Variants in LRP1B observed in about 807,000 individuals in gnomAD.
LRP1B encodes the protein low-density lipoprotein receptor-related protein 1B.
LRP1B carries 217 observed loss-of-function variants against 556.6 expected under a neutral mutation model. The ratio of observed to expected loss-of-function variants is 0.39; its 90% CI spans 0.35 to 0.44. LRP1B has a LOEUF of 0.44. Ranked by LOEUF, LRP1B falls within the 20% of genes least tolerant of loss-of-function variation. LRP1B has a pLI of 1.00. For synonymous variants in LRP1B, 2,047 were observed against 1,865.8 expected, an observed-to-expected ratio of 1.10 and a Z score of -2.50; for missense variants, 5,053 against 5,620.8, an observed-to-expected ratio of 0.90 and a Z score of 3.23.
At chr2:141,104,055 G>A (rs951491656) in intron 7 of LRP1B, among the ~76,000 whole-genome samples, 7 of 151,866 alleles carry the variant, frequency 4.6e-5, no homozygotes, top group African/African-American at 7.3e-5. Flanking sequence ...GAGCTTATAC[G>A]TCAACACTCT....
In LRP1B at chr2:141,725,474, A is replaced by T. The variant is rs532493800; in HGVS notation, c.205+84805T>A. ...TGTCATTGATCAAGAGAAAGTTTTC[A>T]TCAAATGTTGTTAAAATGTAGTGAC... is the stretch of plus-strand genomic sequence containing the variant. On this transcript the variant is annotated intron_variant, in intron 2 of 90. Transcript: ENST00000389484. 2.6e-5 allele frequency among the ~76,000 whole-genome samples: 4 copies of T among 152,062 alleles called. No homozygotes were observed. In the South Asian group the frequency reaches 8.3e-4, roughly 31 times the overall value.
chr2:141,462,319 C>T (rs1681908428), intron 3 of LRP1B, among the ~76,000 whole-genome samples: 1 of 152,114 alleles, frequency 6.6e-6, no homozygotes, highest in Admixed American at 6.6e-5. Flanking sequence ...TTTATTTGAT[C>T]TTTAACACAT....
chr2:140,824,871 C>T (rs542067138), intron 31 of LRP1B, among the ~76,000 whole-genome samples: 37 of 152,160 alleles, frequency 2.4e-4, no homozygotes, highest in Admixed American at 2.1e-3. Flanking sequence ...CCTGTAGAGA[C>T]TCTTGCTATA....
intron 1 of LRP1B, among the ~76,000 whole-genome samples, chr2:141,940,305 A>G (rs1700759176): frequency 6.6e-6 from 1 of 152,176 alleles, no homozygotes; most frequent in Non-Finnish European, 1.5e-5. Flanking sequence ...AAGAGTTAAT[A>G]TTTTATTAAA....
At chr2:141,664,799 A>G (rs919373749) in intron 2 of LRP1B, among the ~76,000 whole-genome samples, 1 of 152,182 alleles carries the variant, frequency 6.6e-6, no homozygotes, top group Non-Finnish European at 1.5e-5. Context: ...TTACAGATTC[A>G]ATGCTATTTC....
At chr2:140,782,851 AG>A (rs2104966445) in intron 32 of LRP1B, among the ~76,000 whole-genome samples, 1 of 152,304 alleles carries the variant, frequency 6.6e-6, no homozygotes, top group African/African-American at 2.4e-5. Flanking sequence ...TTGTCATAAA[AG>A]CGATATGATG....
Position 141,218,150 on chromosome 2 carries a change from C to T in LRP1B, c.850+11033G>A, listed in dbSNP as rs114773144. ...GTTGGTGGGATTGTAAATTAGTTCT[C>T]GATTGCAGAAAAAAAGGAAACACAC... On this transcript the variant is annotated intron_variant, in intron 6 of 90. Coordinates refer to ENST00000389484, the MANE Select transcript of LRP1B (RefSeq NM_018557.3). 3.5e-3 allele frequency among the ~76,000 whole-genome samples: 530 copies of T among 152,066 alleles called. 3 individuals carry two copies. The highest frequency in any genetic ancestry group is 0.012 in the African/African-American group (480 of 41,506).
At chr2:141,564,936 T>C (rs187145694) in intron 2 of LRP1B, among the ~76,000 whole-genome samples, 2 of 152,090 alleles carry the variant, frequency 1.3e-5, no homozygotes, top group African/African-American at 4.8e-5. Flanking sequence ...ATAATCACAT[T>C]AATAATGAAT....
At chr2:141,853,106 C>T (rs1697920987) in intron 1 of LRP1B, among the ~76,000 whole-genome samples, 1 of 151,528 alleles carries the variant, frequency 6.6e-6, no homozygotes, top group Non-Finnish European at 1.5e-5. Flanking sequence ...TTGTTAGCTA[C>T]CCATCCAAAA....
In LRP1B at chr2:141,054,989, T is replaced by A. The variant is rs1699137552; in HGVS notation, c.1552+127A>T. ...CTTATTTTGAGAAAAATGGACAGTA[T>A]ATATTTGCAGGCAAACTTCACCTGT... is the stretch of plus-strand genomic sequence containing the variant. On this transcript the variant is annotated intron_variant, in intron 10 of 90. Coordinates refer to ENST00000389484, the MANE Select transcript of LRP1B (RefSeq NM_018557.3). 3 of 984,652 alleles carry A rather than the reference T, an allele frequency of 3.0e-6. No homozygotes were observed. In the East Asian group the frequency reaches 8.1e-5, roughly 26 times the overall value. The allele number at this position is 984,652 out of a possible 1,614,324, so 61.0% of individuals were successfully genotyped here.
chr2:141,976,506 G>T (rs528623335), intron 1 of LRP1B, among the ~76,000 whole-genome samples: 96 of 152,098 alleles, frequency 6.3e-4, no homozygotes, highest in Non-Finnish European at 9.9e-4. Flanking sequence ...CTGCTTTAGT[G>T]GGGGGTCACA....
At chr2:140,584,262 A>G (rs1232516958) in intron 43 of LRP1B, among the ~76,000 whole-genome samples, 2 of 152,032 alleles carry the variant, frequency 1.3e-5, no homozygotes, top group East Asian at 3.9e-4. Flanking sequence ...CAAACATGAA[A>G]CTTTTAAAAC....
intron 1 of LRP1B, among the ~76,000 whole-genome samples, chr2:142,113,661 T>G (rs926407471): frequency 2.0e-5 from 3 of 152,012 alleles, no homozygotes; most frequent in African/African-American, 7.2e-5. Context: ...CGTGTGTACA[T>G]TGAAACAGTG....
chr2:140,252,133 G>A (rs1236957159), intron 86 of LRP1B, among the ~76,000 whole-genome samples: 2 of 125,850 alleles, frequency 1.6e-5, no homozygotes, highest in African/African-American at 5.8e-5. Flanking sequence ...AGCATTTTGG[G>A]ACAGATACTT....
At chr2:141,817,776 G>A (rs1696610905) in intron 1 of LRP1B, among the ~76,000 whole-genome samples, 1 of 151,996 alleles carries the variant, frequency 6.6e-6, no homozygotes, top group Admixed American at 6.5e-5. Flanking sequence ...TTATACTAAT[G>A]TTGTACATAC....
chr2:140,749,699 T>C (rs1688504767), intron 35 of LRP1B, among the ~76,000 whole-genome samples: 2 of 152,144 alleles, frequency 1.3e-5, no homozygotes, highest in African/African-American at 4.8e-5. Flanking sequence ...GAATACCTCC[T>C]GAAGGACCTG....
At chr2:141,815,512 T>G (rs185639691) in intron 1 of LRP1B, among the ~76,000 whole-genome samples, 30 of 151,712 alleles carry the variant, frequency 2.0e-4, no homozygotes, top group Admixed American at 1.6e-3. Flanking sequence ...TAGCAAGGGA[T>G]TGTAAAATGC....
chr2:140,625,990 T>C (rs1201395776), intron 41 of LRP1B, among the ~76,000 whole-genome samples: 1 of 152,158 alleles, frequency 6.6e-6, no homozygotes, highest in Non-Finnish European at 1.5e-5. Flanking sequence ...TCTCAATAGG[T>C]AAATGCATAA....
At chr2:141,603,590 C>A (rs1687823764) in intron 2 of LRP1B, among the ~76,000 whole-genome samples, 1 of 152,008 alleles carries the variant, frequency 6.6e-6, no homozygotes, top group Non-Finnish European at 1.5e-5. Context: ...TATTTAGTAG[C>A]TAATATATAA....
Sources: allele counts gnomAD v4.1 joint callset (sites outside exome capture counted in the v4.1 genomes callset), GRCh38; gene constraint gnomAD v4.1.1; transcripts MANE v1.5; gene names NCBI Gene and HGNC (gene_info 2026-07-23, HGNC 2026-07-21).